FLACC1: variants seen among roughly 807,000 people sequenced by gnomAD.
FLACC1 encodes the protein flagellum associated containing coiled-coil domains 1, also known as flagellum-associated coiled-coil domain-containing protein 1.
Under a neutral mutation model 62.8 loss-of-function variants are expected in FLACC1, and 66 were observed. The ratio of observed to expected loss-of-function variants is 1.05; its 90% CI spans 0.86 to 1.29. FLACC1 has a LOEUF of 1.29. Among genes scored for constraint, FLACC1 ranks in the 50% most tolerant of loss-of-function variants. The probability of loss-of-function intolerance (pLI) is 0.00; values close to 1 mark genes in which losing one functional copy is unlikely to be tolerated. For synonymous variants in FLACC1, 156 were observed against 161.0 expected (o/e 0.97, Z 0.24); for missense variants, 452 against 489.1 (o/e 0.92, Z 0.71).
chr2:201,295,195 G>T (rs571105333), intron 12 of FLACC1, among the ~76,000 whole-genome samples: 1 of 152,104 alleles, frequency 6.6e-6, no homozygotes, highest in African/African-American at 2.4e-5. Context: ...AAAAGAGCCC[G>T]CATTGCCAAG....
rs779102163 is a variant in FLACC1 at position 201,348,267 on chromosome 2, T to G, written c.221A>C (p.Asn74Thr). The G allele has an allele frequency of 1.1e-5, 17 of 1,613,124 alleles. No individual in the cohort carries two copies. In the South Asian group the frequency reaches 1.8e-4, roughly 17 times the overall value. The change falls in exon 4 of 15, where the codon AAT (asparagine) becomes ACT (threonine). Residue 74 changes from asparagine (N) to threonine (T), a missense_variant. Around this residue, in one of 3 missense-constraint regions of FLACC1, gnomAD observed 147 missense variants for 152.7 expected, o/e 0.96. Coordinates refer to ENST00000392257, the MANE Select transcript of FLACC1 (RefSeq NM_001127391.3). ...GCCTTTACTCACATAAAATGATTTA[T>G]TAGTCTCTTCTTGCCTTGCTGAATG... Reference protein sequence around the residue: ...KIHSARQEETNKSFYEVINVS... With the variant: ...KIHSARQEETTKSFYEVINVS...
chr2:201,349,117 G>A (rs931969987), intron 3 of FLACC1, among the ~76,000 whole-genome samples: 20 of 152,056 alleles, frequency 1.3e-4, no homozygotes, highest in African/African-American at 3.9e-4. Context: ...GGGTGTAGAC[G>A]TCCTTGGGAG....
At chr2:201,328,740 A>G (rs2019097) in intron 9 of FLACC1, among the ~76,000 whole-genome samples, 27,416 of 152,220 alleles carry the variant, frequency 0.18, 3,842 homozygotes, top group African/African-American at 0.39. Context: ...TCAAATTTAA[A>G]TGAGCTATTT....
intron 9 of FLACC1, among the ~76,000 whole-genome samples, chr2:201,325,193 A>C (rs1950480270): frequency 6.6e-6 from 1 of 152,162 alleles, no homozygotes; most frequent in Non-Finnish European, 1.5e-5. Flanking sequence ...GAAAGTTTAT[A>C]GTGCTAAACG....
Position 201,346,562 on chromosome 2 carries a change from C to A in FLACC1, c.348G>T (p.Pro116=), listed in dbSNP as rs563034403. The A allele has an allele frequency of 6.2e-7, 1 of 1,614,014 alleles. No individual in the cohort carries two copies. The highest frequency in any genetic ancestry group is 2.2e-5 in the East Asian group (1 of 44,872). The change falls in exon 5 of 15, where the codon CCG becomes CCT. Residue 116 remains proline (P), a synonymous_variant. Coordinates refer to ENST00000392257, the MANE Select transcript of FLACC1 (RefSeq NM_001127391.3). This position sits in a 1 kb window ranked among gnomAD's most constrained non-coding sequence, Gnocchi z 4.0. ...ATTACCTGGAAAATCTGCCTTTGTC[C>A]GGGATCTCCGATTCCCACCGCTTTT... The part of the protein sequence containing the change: ...DRKKRWESEI[P]DKGRFSRTNI...
intron 9 of FLACC1, among the ~76,000 whole-genome samples, chr2:201,318,879 T>C (rs1336033498): frequency 6.6e-6 from 1 of 152,056 alleles, no homozygotes; most frequent in East Asian, 1.9e-4. Flanking sequence ...CACTCATAAG[T>C]GGAAGCTAAG....
chr2:201,299,938 G>A (rs1949942548), intron 11 of FLACC1, among the ~76,000 whole-genome samples: 1 of 152,108 alleles, frequency 6.6e-6, no homozygotes, highest in Non-Finnish European at 1.5e-5. Context: ...AAGAGGTTTA[G>A]GGGGAGTTTC....
At chr2:201,291,273 C>T (rs926432789) in intron 12 of FLACC1, among the ~76,000 whole-genome samples, 1 of 152,204 alleles carries the variant, frequency 6.6e-6, no homozygotes, top group Non-Finnish European at 1.5e-5. Flanking sequence ...GGGAGGCACC[C>T]CCCAGTAGGG....
chr2:201,294,650 T>C (rs1184403952), intron 12 of FLACC1, among the ~76,000 whole-genome samples: 2 of 152,154 alleles, frequency 1.3e-5, no homozygotes, highest in Non-Finnish European at 2.9e-5. Flanking sequence ...CCATTCAACA[T>C]AGTGTTGGAA....
At position 201,352,672 on chromosome 2, in the gene FLACC1, C is replaced by G. The variant is rs77201664; in HGVS notation, c.-47-1221G>C. Among the ~76,000 whole-genome samples, 770 of 152,280 alleles carry G rather than the reference C, an allele frequency of 5.1e-3. 2 individuals are homozygous for G. The highest frequency in any genetic ancestry group is 8.2e-3 in the Non-Finnish European group (561 of 68,022). ...GCAGGACTTGGAACTGGTAGATTAC[C>G]TGATGATATTGACAGGCAGCTGGTA... On this transcript the variant is annotated intron_variant, in intron 1 of 14. Coordinates refer to ENST00000392257, the MANE Select transcript of FLACC1 (RefSeq NM_001127391.3).
intron 7 of FLACC1, among the ~76,000 whole-genome samples, chr2:201,333,358 A>C (rs1950630634): frequency 6.6e-6 from 1 of 152,132 alleles, no homozygotes; most frequent in African/African-American, 2.4e-5. Context: ...TCTTCTTTTG[A>C]GAAATGTCTA....
At chr2:201,324,022 T>G (rs180913607) in intron 9 of FLACC1, among the ~76,000 whole-genome samples, 197 of 152,218 alleles carry the variant, frequency 1.3e-3, no homozygotes, top group Non-Finnish European at 2.5e-3. Context: ...TAATGTTGAA[T>G]GTAAATGGCC....
chr2:201,309,925 A>AAAAAAAAAAAAAAAAAAAATAG (rs764506462), intron 9 of FLACC1, among the ~76,000 whole-genome samples: 1 of 99,392 alleles, frequency 1.0e-5, no homozygotes, highest in Non-Finnish European at 2.3e-5. Flanking sequence ...AAAAAAAAAA[A>AAAAAAAAAAAAAAAAAAAATAG]AAGAAGAAGA....
upstream of FLACC1, among the ~76,000 whole-genome samples, chr2:201,361,712 C>T (rs1228413451): frequency 6.6e-6 from 1 of 152,152 alleles, no homozygotes; most frequent in Non-Finnish European, 1.5e-5. Flanking sequence ...TTAAAATACT[C>T]CATAGCATTT....
chr2:201,307,549 A>G lies in FLACC1; in HGVS notation c.849T>C (p.Ala283=), dbSNP rs1297342811. The change falls in exon 11 of 15, where the codon GCT becomes GCC. Residue 283 remains alanine (A), a synonymous_variant. Transcript: ENST00000392257. ...TCTCTTGAATGAAGTTCTCAAAGAC[A>G]GCACTGCAGGATTCATTTATTTTCT... ...EDKKINESCS[A]VFENFIQEKE... The G allele has an allele frequency of 6.2e-7, 1 of 1,614,186 alleles. No homozygotes were observed. Among genetic ancestry groups the G allele is most frequent in the South Asian group, 1.1e-5 (1 of 91,076 alleles).
chr2:201,298,270 G>A (rs1949907831), intron 12 of FLACC1, among the ~76,000 whole-genome samples: 1 of 152,154 alleles, frequency 6.6e-6, no homozygotes, highest in Non-Finnish European at 1.5e-5. Flanking sequence ...GCCCAACGAA[G>A]CTTAAAAAGC....
chr2:201,353,712 T>C (rs957028604), intron 1 of FLACC1, among the ~76,000 whole-genome samples: 3 of 152,122 alleles, frequency 2.0e-5, no homozygotes, highest in Non-Finnish European at 4.4e-5. Context: ...CTCAGCCTCC[T>C]GTAGGTGTAG....
At chr2:201,329,050 A>G (rs1950545723) in intron 9 of FLACC1, among the ~76,000 whole-genome samples, 1 of 152,148 alleles carries the variant, frequency 6.6e-6, no homozygotes, top group Non-Finnish European at 1.5e-5. Flanking sequence ...CCCCAGTCCC[A>G]GTCCAGCCCA....
chr2:201,349,205 C>T (rs896963040), intron 3 of FLACC1, among the ~76,000 whole-genome samples: 5 of 152,184 alleles, frequency 3.3e-5, no homozygotes, highest in Admixed American at 1.3e-4. Context: ...CCTGCTCACT[C>T]GCTCCGCTCA....
Sources: gnomAD v4.1 joint callset for allele counts (sites outside exome capture counted in the v4.1 genomes callset) on GRCh38, gnomAD v4.1.1 for gene constraint, gnomAD v4.1.1 regional missense constraint, Gnocchi (gnomAD v3.1) non-coding constraint, MANE v1.5 for transcripts, NCBI Gene and HGNC (gene_info 2026-07-23, HGNC 2026-07-21) for gene names.